CPEB3: variants seen among roughly 807,000 people sequenced by gnomAD.
CPEB3 encodes the protein cytoplasmic polyadenylation element binding protein 3, also known as cytoplasmic polyadenylation element-binding protein 3.
Under a neutral mutation model 67.2 loss-of-function variants are expected in CPEB3, and 20 were observed. The ratio of observed to expected loss-of-function variants is 0.30; its 90% confidence interval spans 0.21 to 0.43. The LOEUF is 0.43. CPEB3 is among the 20% of genes least tolerant of loss of function. The pLI is 1.00. For synonymous variants in CPEB3, 376 were observed against 393.1 expected, an observed-to-expected ratio of 0.96 and a Z score of 0.51; for missense variants, 746 against 968.6, an observed-to-expected ratio of 0.77 and a Z score of 3.05.
chr10:92,159,620 C>T (rs867646708), intron 4 of CPEB3, among the ~76,000 whole-genome samples: 47 of 149,020 alleles, frequency 3.2e-4, no homozygotes, highest in African/African-American at 1.1e-3. Context: ...TGCAGTGAGC[C>T]GAGATCATGC....
chr10:92,174,070 A>G (rs1241612514), intron 4 of CPEB3, among the ~76,000 whole-genome samples: 1 of 152,226 alleles, frequency 6.6e-6, no homozygotes, highest in Non-Finnish European at 1.5e-5. Context: ...ATTTACTTAT[A>G]TCCACTCACA....
At chr10:92,088,131 A>G (rs1391666260) in intron 8 of CPEB3, among the ~76,000 whole-genome samples, 1 of 152,106 alleles carries the variant, frequency 6.6e-6, no homozygotes, top group African/African-American at 2.4e-5. Context: ...CAATCAGGCA[A>G]TGAGTAAGCT....
intron 6 of CPEB3, among the ~76,000 whole-genome samples, chr10:92,136,078 T>C (rs922353116): frequency 4.0e-5 from 6 of 151,844 alleles, no homozygotes; most frequent in African/African-American, 1.5e-4. Flanking sequence ...AGTTAATGGG[T>C]GCAGCAAACC....
intron 8 of CPEB3, among the ~76,000 whole-genome samples, chr10:92,090,317 G>A (rs1843561103): frequency 1.3e-5 from 2 of 152,150 alleles, no homozygotes; most frequent in Admixed American, 6.5e-5. Flanking sequence ...TGAGGTGGGT[G>A]GATCACCTGA....
At chr10:92,246,350 A>C (rs928884583) in intron 1 of CPEB3, among the ~76,000 whole-genome samples, 9 of 151,716 alleles carry the variant, frequency 5.9e-5, no homozygotes, top group East Asian at 1.9e-4. Context: ...AAAAAAAAAA[A>C]CGAAAAACAA....
At chr10:92,137,136 A>G (rs1846139743) in intron 6 of CPEB3, 2 of 330,204 alleles carry the variant, frequency 6.1e-6, no homozygotes, top group African/African-American at 4.4e-5. Flanking sequence ...AGTAGATTGA[A>G]TTAGATCTAA....
At chr10:92,187,408 G>A (rs1054729127) in intron 3 of CPEB3, among the ~76,000 whole-genome samples, 1 of 152,186 alleles carries the variant, frequency 6.6e-6, no homozygotes, top group Non-Finnish European at 1.5e-5. Flanking sequence ...TGTTTTACTA[G>A]GCACGAACCC....
intron 9 of CPEB3, among the ~76,000 whole-genome samples, chr10:92,057,800 C>A (rs562032943): frequency 6.6e-6 from 1 of 152,316 alleles, no homozygotes; most frequent in African/African-American, 2.4e-5. Flanking sequence ...AGAATCTCTG[C>A]CTGGTAATGC....
intron 1 of CPEB3, among the ~76,000 whole-genome samples, chr10:92,253,849 T>C (rs754199974): frequency 6.6e-6 from 1 of 152,232 alleles, no homozygotes; most frequent in Middle Eastern, 3.4e-3. Context: ...GTCTGTGTCA[T>C]TTAAGCTAAA....
chr10:92,245,552 T>G (rs1852024181), intron 1 of CPEB3, among the ~76,000 whole-genome samples: 1 of 152,214 alleles, frequency 6.6e-6, no homozygotes, highest in African/African-American at 2.4e-5. Context: ...TTATTCCTAC[T>G]GTAATGTGAC....
chr10:92,272,995 A>C (rs1295305422), intron 1 of CPEB3, among the ~76,000 whole-genome samples: 1 of 152,186 alleles, frequency 6.6e-6, no homozygotes, highest in Admixed American at 6.6e-5. Flanking sequence ...ATGCTGGTCA[A>C]CTGGACAAGG....
At chr10:92,286,475 C>T (rs1383479594) in intron 1 of CPEB3, among the ~76,000 whole-genome samples, 1 of 151,482 alleles carries the variant, frequency 6.6e-6, no homozygotes, top group Admixed American at 6.6e-5. Flanking sequence ...ATCCCACCTA[C>T]TCAGGTGGCT....
intron 3 of CPEB3, among the ~76,000 whole-genome samples, chr10:92,185,480 A>G (rs1245798404): frequency 6.6e-6 from 1 of 152,226 alleles, no homozygotes; most frequent in Non-Finnish European, 1.5e-5. Context: ...CTAGTTATAA[A>G]AAAAAAACTA....
chr10:92,192,367 G>A (rs1185676073), intron 3 of CPEB3, 110 bp downstream of exon 3: 4 of 1,099,486 alleles, frequency 3.6e-6, no homozygotes, highest in Non-Finnish European at 1.3e-6. Flanking sequence ...CTTTACAGAA[G>A]CAAAACAAAA....
intron 2 of CPEB3, among the ~76,000 whole-genome samples, chr10:92,201,693 G>C: frequency 6.6e-6 from 1 of 152,180 alleles, no homozygotes; most frequent in East Asian, 1.9e-4. Flanking sequence ...ACTGGGCATT[G>C]ATTTATTAGG....
At chr10:92,085,631 T>C (rs1030345050) in intron 8 of CPEB3, among the ~76,000 whole-genome samples, 3 of 152,180 alleles carry the variant, frequency 2.0e-5, no homozygotes, top group Admixed American at 6.5e-5. Flanking sequence ...TTTTTTGAGA[T>C]GGAATCTCGC....
At chr10:92,238,002 C>T (rs1851622307) in intron 2 of CPEB3, among the ~76,000 whole-genome samples, 1 of 152,174 alleles carries the variant, frequency 6.6e-6, no homozygotes, top group Admixed American at 6.5e-5. Context: ...AACCTCATCT[C>T]TTCCTTCATG....
intron 4 of CPEB3, among the ~76,000 whole-genome samples, chr10:92,150,307 G>A (rs1846903140): frequency 1.3e-5 from 2 of 150,482 alleles, no homozygotes; most frequent in Non-Finnish European, 3.0e-5. Context: ...GCCCAGGTTG[G>A]TCTTGAACTC....
intron 1 of CPEB3, among the ~76,000 whole-genome samples, chr10:92,278,757 C>T (rs1469973575): frequency 4.0e-5 from 6 of 151,868 alleles, no homozygotes; most frequent in South Asian, 2.1e-4. Flanking sequence ...CCCACCACCA[C>T]GCCCAGCTAA....
Sources: gnomAD v4.1 joint callset for allele counts (sites outside exome capture counted in the v4.1 genomes callset) on GRCh38, gnomAD v4.1.1 for gene constraint, MANE v1.5 for transcripts, NCBI Gene and HGNC (gene_info 2026-07-23, HGNC 2026-07-21) for gene names.